The following DRICH1 variants were observed in gnomAD, a reference collection of about 807,000 sequenced individuals.
The protein encoded by DRICH1 is aspartate rich 1.
Under a neutral mutation model 39.5 loss-of-function variants are expected in DRICH1, and 38 were observed. The observed-to-expected ratio is 0.96, with a 90% CI of 0.74 to 1.26. DRICH1 has a LOEUF of 1.26. Among genes scored for constraint, DRICH1 ranks in the 50% most tolerant of loss-of-function variants. The probability of loss-of-function intolerance (pLI) is 0.00; values close to 1 mark genes in which losing one functional copy is unlikely to be tolerated. For missense variants in DRICH1, 279 were observed against 270.4 expected (o/e 1.03, Z -0.22); for synonymous variants, 84 against 99.5 (o/e 0.84, Z 0.93).
At chr22:23,607,001 G>GTGTGGC (rs1344588884), downstream of DRICH1, 1 of 152,900 alleles carries the variant, frequency 6.5e-6, no homozygotes, top group Non-Finnish European at 1.5e-5. Context: ...ATGGGAGGGG[G>GTGTGGC]TGTGGCCGGT....
chr22:23,623,772 A>C lies in DRICH1; in HGVS notation c.298+1111T>G, dbSNP rs1190602154. ...TACAAAAAACAGAAATTCAGACAGC[A>C]TGCTTCTAGCTTGGGGGCACCCATA... is the stretch of plus-strand genomic sequence containing the variant. On this transcript the variant is annotated intron_variant, in intron 3 of 11. Coordinates refer to ENST00000317749, the MANE Select transcript of DRICH1 (RefSeq NM_016449.4). 3 of 193,816 alleles carry C rather than the reference A, an allele frequency of 1.5e-5. No homozygotes were observed. In the Admixed American group the frequency reaches 2.0e-4, roughly 13 times the overall value. The allele number at this position is 193,816 out of a possible 1,614,324, so 12.0% of individuals were successfully genotyped here.
At chr22:23,622,211 T>A in intron 3 of DRICH1, 35 bp from the exon 4 acceptor site, 1 of 1,599,082 alleles carries the variant, frequency 6.3e-7, no homozygotes, top group Non-Finnish European at 8.6e-7. Flanking sequence ...CGTGCCCTGG[T>A]TGATTGTGAC....
Position 23,617,528 on chromosome 22 carries a change from A to G in DRICH1, c.519+47T>C, listed in dbSNP as rs771777527. ...TTGGATTGGTGAGTTTGTTTCTCAC[A>G]TCAGAAAACCAACATTTCCTTAGAA... On this transcript the variant is annotated intron_variant, in intron 7 of 11. Coordinates refer to ENST00000317749, the MANE Select transcript of DRICH1 (RefSeq NM_016449.4). The G allele has an allele frequency of 3.7e-6, 6 of 1,602,930 alleles. No individual in the cohort carries two copies. In the South Asian group the frequency reaches 5.5e-5, roughly 15 times the overall value.
At chr22:23,611,695 GA>G (rs1486480595) in intron 11 of DRICH1, among the ~76,000 whole-genome samples, 1 of 152,114 alleles carries the variant, frequency 6.6e-6, no homozygotes, top group Non-Finnish European at 1.5e-5. Flanking sequence ...TTTGGTCAAT[GA>G]CAGAACACAT....
the DRICH1 span, among the ~76,000 whole-genome samples, chr22:23,600,663 G>A: frequency 7.9e-5 from 11 of 138,966 alleles, no homozygotes; most frequent in Non-Finnish European, 1.5e-4. Context: ...AAAACGATTC[G>A]GCAATTTTTT....
intron 3 of DRICH1, chr22:23,624,125 A>G: frequency 2.0e-6 from 2 of 985,440 alleles, no homozygotes; most frequent in Non-Finnish European, 2.4e-6. Flanking sequence ...CAGCAAGCAC[A>G]GACAAATGAA....
At chr22:23,591,726 G>A in the DRICH1 span, among the ~76,000 whole-genome samples, 12 of 152,164 alleles carry the variant, frequency 7.9e-5, no homozygotes, top group Non-Finnish European at 1.3e-4. Flanking sequence ...GGGTGCTTGC[G>A]AAATCATTGT....
At chr22:23,587,350 G>C in the DRICH1 span, among the ~76,000 whole-genome samples, 3 of 152,182 alleles carry the variant, frequency 2.0e-5, no homozygotes, top group Non-Finnish European at 4.4e-5. Flanking sequence ...AGGGTCACCC[G>C]ATCCCAGAAC....
At chr22:23,586,373 CA>C in the DRICH1 span, among the ~76,000 whole-genome samples, 1 of 152,178 alleles carries the variant, frequency 6.6e-6, no homozygotes, top group East Asian at 1.9e-4. Context: ...CCTGTAGTCC[CA>C]GCTCCTTGGG....
downstream of DRICH1, chr22:23,608,387 G>C (rs1926850636): frequency 3.8e-6 from 1 of 265,974 alleles, no homozygotes; most frequent in Admixed American, 4.6e-5. Flanking sequence ...CGCCATCGAT[G>C]TCATTGAGTG....
intron 5 of DRICH1, among the ~76,000 whole-genome samples, chr22:23,620,343 G>C (rs1238001970): frequency 6.6e-6 from 1 of 152,002 alleles, no homozygotes; most frequent in Non-Finnish European, 1.5e-5. Flanking sequence ...ACCAACATCA[G>C]GATAGGTCAG....
the DRICH1 span, among the ~76,000 whole-genome samples, chr22:23,591,843 G>T: frequency 0.11 from 16,718 of 152,156 alleles, 1,286 homozygotes; most frequent in African/African-American, 0.2. Flanking sequence ...CCTTTCCCAC[G>T]AACCAAAGGG....
At chr22:23,602,958 C>T in the DRICH1 span, among the ~76,000 whole-genome samples, 1 of 151,484 alleles carries the variant, frequency 6.6e-6, no homozygotes, top group African/African-American at 2.4e-5. Flanking sequence ...CTCCCCCTAA[C>T]ATTCGACATT....
At position 23,616,744 on chromosome 22, in the gene DRICH1, G is replaced by A. The variant is rs140931048; in HGVS notation, c.541+109C>T. Reference sequence around the variant, plus strand: ...TAGCTATACACTTGCAGAATCATTTGCTCTCACCACACCCCCAATATTTTT... The same window carrying A: ...TAGCTATACACTTGCAGAATCATTTACTCTCACCACACCCCCAATATTTTT... On this transcript the variant is annotated intron_variant, in intron 8 of 11. Coordinates refer to ENST00000317749, the MANE Select transcript of DRICH1 (RefSeq NM_016449.4). 1.7e-3 allele frequency: 2,365 copies of A among 1,402,826 alleles called. 28 individuals are homozygous for A. The African/African-American group carries it at 0.027, about 16-fold the overall frequency. 86.9% of individuals were successfully genotyped at this position (1,402,826 alleles called of 1,614,324 possible).
rs144282960 is a variant in DRICH1, at chr22:23,630,139, A to G, written c.208+1677T>C. Reference sequence around the variant, plus strand: ...GTATTTCACAGTAATGCCCATGCCAACGTCTATTGTTCCGTGTACCTTTTG... The same window carrying G: ...GTATTTCACAGTAATGCCCATGCCAGCGTCTATTGTTCCGTGTACCTTTTG... On this transcript the variant is annotated intron_variant, in intron 1 of 11. Transcript: ENST00000317749. 2.2e-3 allele frequency among the ~76,000 whole-genome samples: 337 copies of G among 152,246 alleles called. 1 individual carries two copies. The highest frequency in any genetic ancestry group is 7.8e-3 in the African/African-American group (323 of 41,546).
At chr22:23,586,844 C>T in the DRICH1 span, among the ~76,000 whole-genome samples, 1 of 152,144 alleles carries the variant, frequency 6.6e-6, no homozygotes. Context: ...TGCGTCCAGC[C>T]GAAATAAAAC....
At chr22:23,595,303 C>G in the DRICH1 span, among the ~76,000 whole-genome samples, 18 of 149,252 alleles carry the variant, frequency 1.2e-4, no homozygotes, top group South Asian at 4.0e-3. Flanking sequence ...TGAGAAGGTT[C>G]CCTAACCCTT....
At chr22:23,620,641 A>G (rs772572246) in intron 4 of DRICH1, 26 bp from the exon 5 acceptor site, 8 of 1,613,246 alleles carry the variant, frequency 5.0e-6, no homozygotes, top group Admixed American at 1.7e-5. Context: ...AGAAGATGCT[A>G]TGAGGATCAG....
chr22:23,596,872 T>C, the DRICH1 span, among the ~76,000 whole-genome samples: 1 of 152,018 alleles, frequency 6.6e-6, no homozygotes, highest in Non-Finnish European at 1.5e-5. Flanking sequence ...TCTAGCTGAT[T>C]TATAGTTTTT....
Sources: gnomAD v4.1 joint callset for allele counts (sites outside exome capture counted in the v4.1 genomes callset) on GRCh38, gnomAD v4.1.1 for gene constraint, MANE v1.5 for transcripts, NCBI Gene and HGNC (gene_info 2026-07-23, HGNC 2026-07-21) for gene names.